Variants in STX17 observed in about 807,000 individuals in gnomAD.
The protein encoded by STX17 is syntaxin-17.
STX17 carries 29 observed loss-of-function variants against 35.9 expected under a neutral mutation model. The ratio of observed to expected loss-of-function variants is 0.81; its 90% CI spans 0.60 to 1.10. The LOEUF (loss-of-function observed/expected upper bound fraction) is 1.10. Among genes scored for constraint, STX17 ranks in the 50% least tolerant of loss-of-function variants. STX17 has a pLI of 0.00. For synonymous variants in STX17, 92 were observed against 118.3 expected, an observed-to-expected ratio of 0.78 and a Z score of 1.44; for missense variants, 312 against 352.3, an observed-to-expected ratio of 0.89 and a Z score of 0.92.
At chr9:99,918,888 G>A (rs1828837437) in intron 2 of STX17, among the ~76,000 whole-genome samples, 1 of 152,150 alleles carries the variant, frequency 6.6e-6, no homozygotes, top group South Asian at 2.1e-4. Flanking sequence ...CAGGGGTTGG[G>A]TGAGGAGCTT....
intron 6 of STX17, among the ~76,000 whole-genome samples, chr9:99,962,520 AGC>A (rs1829846990): frequency 6.6e-6 from 1 of 152,224 alleles, no homozygotes. Context: ...ACCTCAATAA[AGC>A]TGATTTTAAA....
At chr9:99,926,460 T>C (rs757612233) in intron 2 of STX17, among the ~76,000 whole-genome samples, 4 of 152,130 alleles carry the variant, frequency 2.6e-5, no homozygotes, top group Non-Finnish European at 5.9e-5. Context: ...AGCTTTATTC[T>C]GAAACACAGT....
At position 99,955,804 on chromosome 9, in the gene STX17, G is replaced by A. The variant is rs80271265; in HGVS notation, c.416-4113G>A. ...TACTTGCCCTTTATGCTTCTGGTTTGTGTGTGGGTGGGAGTACCTGAGATG... is the reference window on the plus strand; with the variant it reads ...TACTTGCCCTTTATGCTTCTGGTTTATGTGTGGGTGGGAGTACCTGAGATG... On this transcript the variant is annotated intron_variant, in intron 4 of 7. Coordinates refer to ENST00000259400, the MANE Select transcript of STX17 (RefSeq NM_017919.3). Among the ~76,000 whole-genome samples, 311 of 152,218 alleles carry A rather than the reference G, an allele frequency of 2.0e-3. 1 individual carries two copies. Among genetic ancestry groups the A allele is most frequent in the African/African-American group, 7.1e-3 (296 of 41,546 alleles).
rs141654021 is a variant in STX17 at position 99,951,163 on chromosome 9, C to T, written c.293C>T (p.Ala98Val). Residue 98 changes from alanine (A) to valine (V), a missense_variant, in exon 4 of 8, where the codon GCA (alanine) becomes GTA (valine). Physicochemically the swap from Ala to Val is moderately conservative, Grantham distance 64. Transcript: ENST00000259400. ...KRMIDPVKEEASAATAEFLQL... is the reference protein window; with the variant it reads ...KRMIDPVKEEVSAATAEFLQL... ...ATGATAGATCCTGTTAAAGAAGAAG[C>T]ATCAGCAGCAACAGCAGAATTTCTC... The T allele has an allele frequency of 4.5e-4, 733 of 1,613,074 alleles. No homozygotes were observed. Among genetic ancestry groups the T allele is most frequent in the Non-Finnish European group, 5.7e-4 (674 of 1,179,238 alleles).
chr9:99,965,085 T>A (rs1014282220), intron 6 of STX17, among the ~76,000 whole-genome samples: 11 of 152,148 alleles, frequency 7.2e-5, no homozygotes, highest in Non-Finnish European at 1.6e-4. Flanking sequence ...GAATAAATAC[T>A]TATAGATGTG....
intron 2 of STX17, among the ~76,000 whole-genome samples, chr9:99,923,330 CAT>C (rs1828925460): frequency 1.3e-5 from 2 of 151,976 alleles, no homozygotes; most frequent in African/African-American, 4.8e-5. Flanking sequence ...TAATCTTCCT[CAT>C]AAGATTATTG....
rs1830044095 is a variant in STX17, at chr9:99,972,984, A to G, written c.*4311A>G. Among the ~76,000 whole-genome samples the G allele has an allele frequency of 6.6e-6, 1 of 152,204 alleles. No homozygotes were observed. The highest frequency in any genetic ancestry group is 2.4e-5 in the African/African-American group (1 of 41,458). Reference sequence around the variant, plus strand: ...TAAAAGGCAGGGGAGTTTCTCTTCTAGCCTAAATTAATATTAAAAGTTCAG... The same window carrying G: ...TAAAAGGCAGGGGAGTTTCTCTTCTGGCCTAAATTAATATTAAAAGTTCAG... On this transcript the variant is annotated 3_prime_UTR_variant, in exon 8 of 8. Coordinates refer to ENST00000259400, the MANE Select transcript of STX17 (RefSeq NM_017919.3).
At chr9:99,948,051 T>C (rs1486660322) in intron 3 of STX17, among the ~76,000 whole-genome samples, 3 of 152,086 alleles carry the variant, frequency 2.0e-5, no homozygotes, top group Non-Finnish European at 2.9e-5. Flanking sequence ...GCCTGCTGTT[T>C]TCAGAAGCAG....
chr9:99,914,404 CT>C (rs1029589001), intron 1 of STX17, among the ~76,000 whole-genome samples: 1 of 152,122 alleles, frequency 6.6e-6, no homozygotes, highest in Non-Finnish European at 1.5e-5. Context: ...GAGTGGAGTC[CT>C]GGAACCTACT....
rs543961670 is a variant in STX17 at position 99,922,821 on chromosome 9, ATC to A, written c.124-5954_124-5953del. ...CTGCTAAAATTAGACTGAGTGCTCC[ATC>A]TCCAAACCTGGAGGGCCATGGTGTG... On this transcript the variant is annotated intron_variant, in intron 2 of 7. Transcript: ENST00000259400. Among the ~76,000 whole-genome samples, 19 of 152,330 alleles carry A rather than the reference ATC, an allele frequency of 1.2e-4. 1 individual carries two copies. In the South Asian group the frequency reaches 3.9e-3, roughly 32 times the overall value.
At chr9:99,937,949 T>C (rs1445168845) in intron 3 of STX17, 1 of 152,258 alleles carries the variant, frequency 6.6e-6, no homozygotes, top group Non-Finnish European at 1.5e-5. Context: ...ACTATAGCGC[T>C]GCTCAGTCTG....
intron 4 of STX17, among the ~76,000 whole-genome samples, chr9:99,952,539 C>A (rs1224707347): frequency 8.5e-5 from 13 of 152,098 alleles, no homozygotes; most frequent in Non-Finnish European, 1.5e-4. Context: ...GGTATATACC[C>A]AAAGGACTAT....
At position 99,966,766 on chromosome 9, in the gene STX17, C is replaced by T. The variant is rs117108001; in HGVS notation, c.583-887C>T. On this transcript the variant is annotated intron_variant, in intron 6 of 7. Coordinates refer to ENST00000259400, the MANE Select transcript of STX17 (RefSeq NM_017919.3). ...AAGCAGTACTTGTTATATGTAAATT[C>T]TATCTAAATAAAGTTGAATTAAAAA... Among the ~76,000 whole-genome samples, 56 of 152,280 alleles carry T rather than the reference C, an allele frequency of 3.7e-4. No homozygotes were observed. The East Asian group carries it at 0.011, about 29-fold the overall frequency.
rs1354565965 is a variant in STX17 at position 99,929,943 on chromosome 9, C to T, written c.189+1100C>T. 3.1e-4 allele frequency: 36 copies of T among 116,754 alleles called. 1 individual carries two copies. The East Asian group carries it at 8.5e-3, about 28-fold the overall frequency. The allele number at this position is 116,754 out of a possible 1,614,324, so 7.2% of individuals were successfully genotyped here. ...TTTTTTTTTTTTTGCAACAGAGTCTCACTCTGTTGCCCAGGCTGGAGTGCA... is the reference window on the plus strand; with the variant it reads ...TTTTTTTTTTTTTGCAACAGAGTCTTACTCTGTTGCCCAGGCTGGAGTGCA... On this transcript the variant is annotated intron_variant, in intron 3 of 7. Transcript: ENST00000259400.
chr9:99,959,623 C>A (rs1372178954), intron 4 of STX17, among the ~76,000 whole-genome samples: 12 of 151,906 alleles, frequency 7.9e-5, no homozygotes, highest in Non-Finnish European at 1.5e-5. Flanking sequence ...CTACACCTGG[C>A]TAACTTTTTA....
At chr9:99,921,225 A>G (rs1225192507) in intron 2 of STX17, among the ~76,000 whole-genome samples, 1 of 152,202 alleles carries the variant, frequency 6.6e-6, no homozygotes, top group Non-Finnish European at 1.5e-5. Flanking sequence ...GAATGAATAT[A>G]CATGTATAGA....
intron 2 of STX17, chr9:99,916,152 T>G (rs2118312099): frequency 2.2e-6 from 1 of 444,500 alleles, no homozygotes; most frequent in Admixed American, 2.4e-5. Context: ...TACTGCCTAA[T>G]TCAGTTGAGG....
chr9:99,915,951 G>A (rs1828760428), intron 2 of STX17: 1 of 442,386 alleles, frequency 2.3e-6, no homozygotes. Flanking sequence ...TGTAAAGGCA[G>A]AGAACTTTGG....
intron 4 of STX17, among the ~76,000 whole-genome samples, chr9:99,954,903 A>G (rs1396041262): frequency 1.3e-5 from 2 of 152,222 alleles, no homozygotes; most frequent in South Asian, 2.1e-4. Flanking sequence ...TTTAGGGAGA[A>G]GCTGTGATGA....
Sources: allele counts gnomAD v4.1 joint callset (sites outside exome capture counted in the v4.1 genomes callset), GRCh38; gene constraint gnomAD v4.1.1; transcripts MANE v1.5; gene names NCBI Gene and HGNC (gene_info 2026-07-23, HGNC 2026-07-21).